The following RAPGEF2 variants were observed in gnomAD, a reference collection of about 807,000 sequenced individuals.
The protein encoded by RAPGEF2 is Rap guanine nucleotide exchange factor 2.
A neutral mutation model predicts 186.7 loss-of-function variants in RAPGEF2; 54 were observed. The ratio of observed to expected loss-of-function variants is 0.29; its 90% CI spans 0.23 to 0.36. The LOEUF (loss-of-function observed/expected upper bound fraction) is 0.36. Ranked by LOEUF, RAPGEF2 falls within the 10% of genes least tolerant of loss-of-function variation. The probability of loss-of-function intolerance (pLI) is 1.00; values close to 1 mark genes in which losing one functional copy is unlikely to be tolerated. For synonymous variants in RAPGEF2, 712 were observed against 705.9 expected (o/e 1.01, Z -0.14); for missense variants, 1,532 against 2,045.0 (o/e 0.75, Z 4.84).
At chr4:159,342,553 ATTATTTTATT>A (rs1159754910) in intron 20 of RAPGEF2, among the ~76,000 whole-genome samples, 2,367 of 71,690 alleles carry the variant, frequency 0.033, 51 homozygotes, top group Admixed American at 0.074. Flanking sequence ...TTTATTTTAT[ATTATTTTATT>A]TTATTTTATT....
At position 159,352,749 on chromosome 4, in the gene RAPGEF2, T is replaced by C. The variant is rs1311164114; in HGVS notation, c.3930T>C (p.Ser1310=). 5 of 1,614,242 alleles carry C rather than the reference T, an allele frequency of 3.1e-6. No homozygotes were observed. The highest frequency in any genetic ancestry group is 4.2e-6 in the Non-Finnish European group (5 of 1,180,040). ...CAGATTCTGGTCACAGTGAAATTTC[T>C]TCACGATCCAGTATTGTTAGCAATT... ...NFSDSGHSEI[S]SRSSIVSNSS... Residue 1310 remains serine (S), a synonymous_variant, in exon 27 of 30, where the codon TCT becomes TCC. Transcript: ENST00000691494.
intron 4 of RAPGEF2, among the ~76,000 whole-genome samples, chr4:159,234,105 A>G (rs191239048): frequency 2.4e-4 from 36 of 147,382 alleles, no homozygotes; most frequent in Admixed American, 1.4e-3. Flanking sequence ...GTAGTTTATT[A>G]TAAGACTTAC....
At chr4:159,232,223 G>A (rs569596163) in intron 4 of RAPGEF2, among the ~76,000 whole-genome samples, 2 of 152,218 alleles carry the variant, frequency 1.3e-5, no homozygotes, top group East Asian at 1.9e-4. Context: ...CACTAGTGGC[G>A]CTACCTCTTT....
chr4:159,206,635 C>T (rs973928695), intron 3 of RAPGEF2, among the ~76,000 whole-genome samples: 3 of 152,138 alleles, frequency 2.0e-5, no homozygotes, highest in African/African-American at 7.2e-5. Context: ...TGTTTGCAGA[C>T]CTTGAAGGGA....
In RAPGEF2 at chr4:159,187,172, A is replaced by G. The variant is rs552925769; in HGVS notation, c.140+460A>G. Among the ~76,000 whole-genome samples, 6 of 152,344 alleles carry G rather than the reference A, an allele frequency of 3.9e-5. No homozygotes were observed. In the South Asian group the frequency reaches 1.2e-3, roughly 32 times the overall value. On this transcript the variant is annotated intron_variant, in intron 2 of 29. Coordinates refer to ENST00000691494, the MANE Select transcript of RAPGEF2 (RefSeq NM_001394067.2). The stretch of plus-strand genomic sequence containing the variant: ...AACTTACACTAATAATATATACTTA[A>G]TTAAGTTTTACTTTTACAAAGTTGA...
intron 7 of RAPGEF2, among the ~76,000 whole-genome samples, chr4:159,294,418 C>T (rs1041621104): frequency 6.6e-6 from 1 of 152,154 alleles, no homozygotes; most frequent in African/African-American, 2.4e-5. Context: ...CCAGGGATTG[C>T]CGCTTCCATA....
At position 159,355,878 on chromosome 4, in the gene RAPGEF2, G is replaced by T; in HGVS notation, c.4677G>T (p.Glu1559Asp). The T allele has an allele frequency of 6.6e-7, 1 of 1,515,860 alleles. No homozygotes were observed. The highest frequency in any genetic ancestry group is 8.9e-7 in the Non-Finnish European group (1 of 1,117,994). 93.9% of individuals were successfully genotyped at this position (1,515,860 alleles called of 1,614,324 possible). A position where few individuals can be genotyped will look rare whatever the true frequency, so the allele number is the denominator to read the frequency against. Reference sequence around the variant, plus strand: ...CACGAAAGGAGGGCAGGTATCGAGAGCCCCCGCCCACCCCTCCCGGCTACA... The same window carrying T: ...CACGAAAGGAGGGCAGGTATCGAGATCCCCCGCCCACCCCTCCCGGCTACA... The part of the protein sequence containing the change: ...LIARKEGRYR[E>D]PPPTPPGYIG... Residue 1559 changes from glutamate to aspartate, a missense_variant, in exon 29 of 30, where the codon GAG (glutamate) becomes GAT (aspartate). By Grantham distance (45) the Glu-to-Asp change is conservative (BLOSUM62 2). Transcript: ENST00000691494.
chr4:159,114,830 G>A (rs1045987491), intron 1 of RAPGEF2, among the ~76,000 whole-genome samples: 23 of 151,922 alleles, frequency 1.5e-4, no homozygotes, highest in African/African-American at 5.1e-4. Flanking sequence ...GTTACTTTTG[G>A]TAGGAGTGAG....
intron 3 of RAPGEF2, among the ~76,000 whole-genome samples, chr4:159,201,639 A>G (rs1392099210): frequency 6.6e-6 from 1 of 152,194 alleles, no homozygotes; most frequent in Admixed American, 6.5e-5. Context: ...GGGACCCTGA[A>G]CTGTAGCAAA....
chr4:159,310,512 AT>A (rs35648832), intron 8 of RAPGEF2, among the ~76,000 whole-genome samples: 2 of 151,892 alleles, frequency 1.3e-5, no homozygotes, highest in African/African-American at 4.8e-5. Flanking sequence ...AATTTTCTTG[AT>A]TTTTTTTAAA....
At chr4:159,318,834 G>A (rs953515211) in intron 9 of RAPGEF2, among the ~76,000 whole-genome samples, 3 of 151,928 alleles carry the variant, frequency 2.0e-5, no homozygotes, top group Admixed American at 1.3e-4. Context: ...AATTGGCTTC[G>A]GCTTCTGGTA....
At chr4:159,284,570 A>G (rs1760197208) in intron 7 of RAPGEF2, among the ~76,000 whole-genome samples, 3 of 151,696 alleles carry the variant, frequency 2.0e-5, no homozygotes, top group Admixed American at 1.3e-4. Context: ...GGTGGGGGAT[A>G]CGCAGTGCCT....
chr4:159,206,857 A>G (rs1291879652), intron 3 of RAPGEF2, among the ~76,000 whole-genome samples: 3 of 152,204 alleles, frequency 2.0e-5, no homozygotes, highest in Non-Finnish European at 4.4e-5. Context: ...GGATAGGAGG[A>G]GAGGAGAGGG....
At chr4:159,236,023 T>C (rs1384895291) in intron 4 of RAPGEF2, among the ~76,000 whole-genome samples, 1 of 152,200 alleles carries the variant, frequency 6.6e-6, no homozygotes, top group African/African-American at 2.4e-5. Flanking sequence ...CCTTTCTGCA[T>C]TCCTGGCTGT....
chr4:159,285,728 C>T (rs1760370608), intron 7 of RAPGEF2, among the ~76,000 whole-genome samples: 2 of 152,114 alleles, frequency 1.3e-5, no homozygotes, highest in African/African-American at 4.8e-5. Context: ...CTACTTACCC[C>T]ATGTGTTTAT....
intron 1 of RAPGEF2, among the ~76,000 whole-genome samples, chr4:159,168,508 A>G (rs1254243164): frequency 1.3e-5 from 2 of 151,760 alleles, no homozygotes; most frequent in South Asian, 2.1e-4. Flanking sequence ...CAGGCCCCAC[A>G]CATGGTTCAG....
intron 1 of RAPGEF2, among the ~76,000 whole-genome samples, chr4:159,152,720 C>A (rs1048104528): frequency 2.0e-5 from 3 of 152,142 alleles, no homozygotes; most frequent in Non-Finnish European, 4.4e-5. Flanking sequence ...CAGGTTCACG[C>A]CATTCTCCTG....
At chr4:159,120,969 C>T (rs1181653821) in intron 1 of RAPGEF2, among the ~76,000 whole-genome samples, 1 of 152,038 alleles carries the variant, frequency 6.6e-6, no homozygotes, top group Non-Finnish European at 1.5e-5. Flanking sequence ...ATTCTCCATC[C>T]TCTGCCTCCC....
At chr4:159,213,074 A>AGAGGGAATGGCGGTTCC (rs1390206287) in intron 4 of RAPGEF2, among the ~76,000 whole-genome samples, 4 of 152,212 alleles carry the variant, frequency 2.6e-5, no homozygotes, top group African/African-American at 9.6e-5. Context: ...ATAGGGTGAA[A>AGAGGGAATGGCGGTTCC]GAGGGAATGG....
Sources: allele counts gnomAD v4.1 joint callset (sites outside exome capture counted in the v4.1 genomes callset), GRCh38; gene constraint gnomAD v4.1.1; transcripts MANE v1.5; gene names NCBI Gene and HGNC (gene_info 2026-07-23, HGNC 2026-07-21).